Variants in NTHL1 observed in about 807,000 individuals in gnomAD.
NTHL1 encodes endonuclease III-like protein 1.
In NTHL1, 32 loss-of-function variants were observed where a neutral mutation model predicts 32.3. That is an observed-to-expected ratio of 0.99 (90% CI 0.75 to 1.33). The LOEUF (loss-of-function observed/expected upper bound fraction) is 1.33, where lower values mean the gene tolerates loss of function less well. Among genes scored for constraint, NTHL1 ranks in the 40% most tolerant of loss-of-function variants. NTHL1 has a pLI of 0.00. For missense variants in NTHL1, 501 were observed against 414.1 expected (o/e 1.21, Z -1.82); for synonymous variants, 188 against 176.9 (o/e 1.06, Z -0.50).
chr16:2,046,218 C>A lies in NTHL1; in HGVS notation c.264G>T (p.Leu88=), dbSNP rs1009261529. 5.0e-6 allele frequency: 8 copies of A among 1,613,176 alleles called. No individual in the cohort carries two copies. The Middle Eastern group carries it at 6.6e-4, about 133-fold the overall frequency. ...TGTTCCTCATGGCACGGATGTTGAC[C>A]AGCTGTTGCTGCCAGTCCTGGGGCT... The part of the protein sequence containing the change: ...VWEPQDWQQQ[L]VNIRAMRNKK... Residue 88 remains leucine (L), a synonymous_variant, in exon 2 of 6, where the codon CTG becomes CTT. Coordinates refer to ENST00000651570, the MANE Select transcript of NTHL1 (RefSeq NM_002528.7).
rs1475157031 is a variant in NTHL1 at position 2,046,567 on chromosome 16, C to T, written c.116-201G>A. ...GCGACCCTGACAAGGTCCATGTTAG[C>T]TCATGAGGACTCTAGCAACAGCCTG... On this transcript the variant is annotated intron_variant, in intron 1 of 5. Transcript: ENST00000651570. Among the ~76,000 whole-genome samples, 6 of 152,302 alleles carry T rather than the reference C, an allele frequency of 3.9e-5. No homozygotes were observed. In the East Asian group the frequency reaches 1.2e-3, roughly 29 times the overall value.
chr16:2,041,790 A>G (rs1382931950), intron 4 of NTHL1, among the ~76,000 whole-genome samples: 1 of 152,022 alleles, frequency 6.6e-6, no homozygotes, highest in African/African-American at 2.4e-5. Context: ...TGTGTTTTTT[A>G]GTAGAGACGG....
Position 2,044,481 on chromosome 16 carries a change from G to T in NTHL1, c.525+149C>A. The T allele has an allele frequency of 1.0e-6, 1 of 961,024 alleles. No individual in the cohort carries two copies. The highest frequency in any genetic ancestry group is 1.6e-6 in the Non-Finnish European group (1 of 627,054). The allele number at this position is 961,024 out of a possible 1,614,324, so 59.5% of individuals were successfully genotyped here. The stretch of plus-strand genomic sequence containing the variant: ...CTGGGACTGGGCGTCAGGCCTCAGG[G>T]CCCCACGGCCTGGGGGGGGCTTCAG... On this transcript the variant is annotated intron_variant, in intron 3 of 5. Transcript: ENST00000651570. The surrounding 1 kb of genome is among the most constrained non-coding windows in gnomAD (Gnocchi z 5.0).
In NTHL1 at chr16:2,040,491, G is replaced by T. The variant is rs753683282; in HGVS notation, c.686-253C>A. The T allele has an allele frequency of 7.8e-4, 448 of 577,570 alleles. 3 individuals are homozygous for T. The highest frequency in any genetic ancestry group is 2.8e-3 in the Middle Eastern group (6 of 2,124). 35.8% of individuals were successfully genotyped at this position (577,570 alleles called of 1,614,324 possible). ...GCCAGCCTGGGGGGCTCTGTTCTGG[G>T]CTGCCCACTCCCAACACTGGTGCTA... On this transcript the variant is annotated intron_variant, in intron 4 of 5. Transcript: ENST00000651570.
chr16:2,040,970 G>A lies in NTHL1; in HGVS notation c.686-732C>T, dbSNP rs181948617. ...GACACAGCGGGAGCATGCCCTGGCCGGCCGCAGCTGCTGTCCACCTGGGTT... is the reference window on the plus strand; with the variant it reads ...GACACAGCGGGAGCATGCCCTGGCCAGCCGCAGCTGCTGTCCACCTGGGTT... On this transcript the variant is annotated intron_variant, in intron 4 of 5. Transcript: ENST00000651570. Among the ~76,000 whole-genome samples, 7 of 152,308 alleles carry A rather than the reference G, an allele frequency of 4.6e-5. No homozygotes were observed. The East Asian group carries it at 7.7e-4, about 17-fold the overall frequency.
intron 2 of NTHL1, among the ~76,000 whole-genome samples, chr16:2,045,103 A>G (rs549674870): frequency 6.6e-6 from 1 of 152,250 alleles, no homozygotes; most frequent in East Asian, 1.9e-4. Flanking sequence ...TCGGGAGGCC[A>G]AGGCAGGCGG....
intron 4 of NTHL1, chr16:2,041,999 T>A (rs976923669): frequency 4.4e-6 from 2 of 455,304 alleles, no homozygotes; most frequent in Non-Finnish European, 8.8e-6. Context: ...GTGATCCACA[T>A]ACCTCGGCCT....
chr16:2,040,225 A>G lies in NTHL1; in HGVS notation c.699T>C (p.His233=), dbSNP rs1596216488. Residue 233 remains histidine (H), a synonymous_variant, in exon 5 of 6, where the codon CAT becomes CAC. Coordinates refer to ENST00000651570, the MANE Select transcript of NTHL1 (RefSeq NM_002528.7). ...GTVSGIAVDT[H]VHRIANRLRW... is the part of the protein sequence containing the mutation. ...TCAGCCTGTTGGCGATTCTGTGCAC[A>G]TGCGTGTCCACTGCTGCTGGGAGGC... 5 of 1,613,624 alleles carry G rather than the reference A, an allele frequency of 3.1e-6. No homozygotes were observed. The highest frequency in any genetic ancestry group is 4.5e-5 in the East Asian group (2 of 44,876).
chr16:2,040,997 T>G (rs1170175470), intron 4 of NTHL1, among the ~76,000 whole-genome samples: 2 of 152,236 alleles, frequency 1.3e-5, no homozygotes, highest in African/African-American at 4.8e-5. Flanking sequence ...ACCTGGGTTC[T>G]GGCTCCTGCT....
Position 2,039,985 on chromosome 16 carries a change from A to G in NTHL1, c.854T>C (p.Val285Ala), listed in dbSNP as rs2150937861. The change falls in exon 6 of 6, where the codon GTG becomes GCG. Residue 285 changes from valine (V) to alanine (A), a missense_variant. Val to Ala is a moderately conservative substitution (Grantham distance 64). Coordinates refer to ENST00000651570, the MANE Select transcript of NTHL1 (RefSeq NM_002528.7). ...VGFGQQTCLPVHPRCHACLNQ... is the reference protein window; with the variant it reads ...VGFGQQTCLPAHPRCHACLNQ... ...GAGGCAGGCGTGGCAGCGAGGGTGC[A>G]CAGGCAGACAGGTCTGCTGGCCGAA... 1 of 1,610,334 alleles carries G rather than the reference A, an allele frequency of 6.2e-7. No homozygotes were observed. The highest frequency in any genetic ancestry group is 8.5e-7 in the Non-Finnish European group (1 of 1,179,964).
chr16:2,047,606 A>G, intron 1 of NTHL1, 103 bp downstream of exon 1: 1 of 1,449,242 alleles, frequency 6.9e-7, no homozygotes, highest in South Asian at 1.4e-5. Context: ...CCGGGTTTGC[A>G]GCCCCTGCCC....
intron 4 of NTHL1, among the ~76,000 whole-genome samples, chr16:2,041,155 C>T (rs2084264622): frequency 6.6e-6 from 1 of 152,250 alleles, no homozygotes; most frequent in Non-Finnish European, 1.5e-5. Flanking sequence ...TTCGCTGCTG[C>T]CTAGAAAAAG....
rs977664800 is a variant in NTHL1 at position 2,043,787 on chromosome 16, C to T, written c.526-61G>A. 3.8e-6 allele frequency: 6 copies of T among 1,592,012 alleles called. No homozygotes were observed. In the Admixed American group the frequency reaches 8.4e-5, roughly 22 times the overall value. On this transcript the variant is annotated intron_variant, in intron 3 of 5. Coordinates refer to ENST00000651570, the MANE Select transcript of NTHL1 (RefSeq NM_002528.7). This position sits in a 1 kb window ranked among gnomAD's most constrained non-coding sequence, Gnocchi z 4.4. ...GGGCACAGCCCAACCTGGGAGGATG[C>T]AGCCCCCAGGAGACCCACAGGTGGC...
Position 2,043,550 on chromosome 16 carries a change from C to T in NTHL1, c.685+17G>A, listed in dbSNP as rs553209172. ...GCAGCCAGTGGGCTGGAGCCAGCCCCGCCCTCCTCTACTCACCAATGCCTG... is the reference window on the plus strand; with the variant it reads ...GCAGCCAGTGGGCTGGAGCCAGCCCTGCCCTCCTCTACTCACCAATGCCTG... On this transcript the variant is annotated intron_variant, in intron 4 of 5. Transcript: ENST00000651570. This position sits in a 1 kb window ranked among gnomAD's most constrained non-coding sequence, Gnocchi z 4.4. 114 of 1,603,360 alleles carry T rather than the reference C, an allele frequency of 7.1e-5. No individual in the cohort carries two copies. The East Asian group carries it at 1.0e-3, about 14-fold the overall frequency.
At position 2,039,996 on chromosome 16, in the gene NTHL1, G is replaced by T. The variant is rs779198160; in HGVS notation, c.843C>A (p.Thr281=). The T allele has an allele frequency of 1.7e-5, 27 of 1,610,960 alleles. No individual in the cohort carries two copies. Among genetic ancestry groups the T allele is most frequent in the Non-Finnish European group, 2.5e-6 (3 of 1,179,996 alleles). The part of the protein sequence containing the change: ...NGLLVGFGQQ[T]CLPVHPRCHA... ...GGCAGCGAGGGTGCACAGGCAGACA[G>T]GTCTGCTGGCCGAAGCCCACCAAGA... Residue 281 remains threonine (T), a synonymous_variant, in exon 6 of 6, where the codon ACC becomes ACA. Coordinates refer to ENST00000651570, the MANE Select transcript of NTHL1 (RefSeq NM_002528.7).
rs2084291986 is a variant in NTHL1, at chr16:2,043,130, G to A, written c.685+437C>T. 6.6e-6 allele frequency among the ~76,000 whole-genome samples: 1 copy of A among 150,734 alleles called. No homozygotes were observed. The highest frequency in any genetic ancestry group is 1.5e-5 in the Non-Finnish European group (1 of 67,732). Reference sequence around the variant, plus strand: ...TTACAGATGCTGTTCCTTCTGCTGGGAACACACTTCCTCCTCTTGGCCTGG... The same window carrying A: ...TTACAGATGCTGTTCCTTCTGCTGGAAACACACTTCCTCCTCTTGGCCTGG... On this transcript the variant is annotated intron_variant, in intron 4 of 5. Coordinates refer to ENST00000651570, the MANE Select transcript of NTHL1 (RefSeq NM_002528.7). This position sits in a 1 kb window ranked among gnomAD's most constrained non-coding sequence, Gnocchi z 4.4.
chr16:2,043,392 CCCCAGCA>C lies in NTHL1; in HGVS notation c.685+168_685+174del. Reference sequence around the variant, plus strand: ...GGTGCTCAGCCCATGTGACCTCCTGCCCCAGCACCTGTCTCTGAGTGGGGCTGGCCTG... The same window carrying C: ...GGTGCTCAGCCCATGTGACCTCCTGCCCTGTCTCTGAGTGGGGCTGGCCTG... On this transcript the variant is annotated intron_variant, in intron 4 of 5. Coordinates refer to ENST00000651570, the MANE Select transcript of NTHL1 (RefSeq NM_002528.7). This position sits in a 1 kb window ranked among gnomAD's most constrained non-coding sequence, Gnocchi z 4.4. The C allele has an allele frequency of 1.2e-6, 1 of 834,062 alleles. No homozygotes were observed. Among genetic ancestry groups the C allele is most frequent in the Non-Finnish European group, 1.9e-6 (1 of 533,724 alleles). The allele number at this position is 834,062 out of a possible 1,614,324, so 51.7% of individuals were successfully genotyped here. A position where few individuals can be genotyped will look rare whatever the true frequency, so the allele number is the denominator to read the frequency against.
intron 4 of NTHL1, 176 bp from the exon 5 acceptor site, chr16:2,040,414 G>T: frequency 1.5e-6 from 1 of 679,054 alleles, no homozygotes; most frequent in South Asian, 1.6e-5. Flanking sequence ...TGAGGTGCTG[G>T]GGCAGGGGCT....
rs1433716256 is a variant in NTHL1, at chr16:2,044,773, G to C, written c.382C>G (p.Leu128Val). 6.2e-7 allele frequency: 1 copy of C among 1,610,916 alleles called. No individual in the cohort carries two copies. Among genetic ancestry groups the C allele is most frequent in the Non-Finnish European group, 8.5e-7 (1 of 1,178,792 alleles). Residue 128 changes from leucine to valine, a missense_variant, in exon 3 of 6, where the codon CTG becomes GTG. Leu to Val is a conservative substitution (Grantham distance 32). Coordinates refer to ENST00000651570, the MANE Select transcript of NTHL1 (RefSeq NM_002528.7). The surrounding 1 kb of genome is among the most constrained non-coding windows in gnomAD (Gnocchi z 5.0). ...TCTTTGGTTTGGCTGGAGAGCATCA[G>C]TGACAGCAGCACCTGGTACCTGCGT... is the stretch of plus-strand genomic sequence containing the variant. Reference protein sequence around the residue: ...KVRRYQVLLSLMLSSQTKDQV... With the variant: ...KVRRYQVLLSVMLSSQTKDQV...
Sources: allele counts gnomAD v4.1 joint callset (sites outside exome capture counted in the v4.1 genomes callset), GRCh38; gene constraint gnomAD v4.1.1; non-coding constraint Gnocchi (gnomAD v3.1); transcripts MANE v1.5; gene names NCBI Gene and HGNC (gene_info 2026-07-23, HGNC 2026-07-21).